The following KIFC3 variants were observed in gnomAD, a reference collection of about 807,000 sequenced individuals.
KIFC3 encodes kinesin family member C3, also known as kinesin-like protein KIFC3.
KIFC3 carries 60 observed loss-of-function variants against 101.8 expected under a neutral mutation model. That is an observed-to-expected ratio of 0.59 (90% CI 0.48 to 0.73). The LOEUF (loss-of-function observed/expected upper bound fraction) is 0.73. Ranked by LOEUF, KIFC3 falls within the 30% of genes least tolerant of loss-of-function variation. KIFC3 has a pLI of 0.00. For synonymous variants in KIFC3, 476 were observed against 482.7 expected, an observed-to-expected ratio of 0.99 and a Z score of 0.18; for missense variants, 966 against 1,137.1, an observed-to-expected ratio of 0.85 and a Z score of 2.16.
rs374878629 is a variant in KIFC3, at chr16:57,859,633, C to T, written c.108+3096G>A. ...CCACAAGCAACACTCCTCCCACACC[C>T]GCCGAAGTCATACACCAGTTACAGT... On this transcript the variant is annotated intron_variant, in intron 1 of 2. Transcript: ENST00000563028. Among the ~76,000 whole-genome samples the T allele has an allele frequency of 1.4e-3, 206 of 152,246 alleles. 2 individuals are homozygous for T. The highest frequency in any genetic ancestry group is 0.011 in the South Asian group (53 of 4,822).
At chr16:57,857,408 T>TTA (rs2056194402) in intron 1 of KIFC3, among the ~76,000 whole-genome samples, 1 of 151,314 alleles carries the variant, frequency 6.6e-6, no homozygotes, top group South Asian at 2.1e-4. Flanking sequence ...TTTTTTTTTT[T>TTA]AATTATACTT....
At chr16:57,820,521 C>T (rs2055327117) in intron 1 of KIFC3, among the ~76,000 whole-genome samples, 1 of 152,128 alleles carries the variant, frequency 6.6e-6, no homozygotes, top group African/African-American at 2.4e-5. Flanking sequence ...CTGAAGTGAT[C>T]CTCCCACCTC....
At position 57,847,185 on chromosome 16, in the gene KIFC3, AGGAAGGAG is replaced by A. The variant is rs1426036589; in HGVS notation, c.108+15536_108+15543del. 5.4e-3 allele frequency among the ~76,000 whole-genome samples: 724 copies of A among 133,646 alleles called. 20 individuals carry two copies. Among genetic ancestry groups the A allele is most frequent in the East Asian group, 0.014 (57 of 4,028 alleles). 87.7% of individuals were successfully genotyped at this position (133,646 alleles called of 152,430 possible). On this transcript the variant is annotated intron_variant, in intron 1 of 2. Transcript: ENST00000563028. ...AGGTGACAGAGCAATGAATCTGTGA[AGGAAGGAG>A]GGAAGGAAGGAAGGAAGGAAGGAAG...
chr16:57,798,621 A>AGCAGCATCTCC (rs2061049841), intron 1 of KIFC3: 1 of 408,778 alleles, frequency 2.4e-6, no homozygotes, highest in African/African-American at 2.1e-5. Context: ...ACCGCGAGTC[A>AGCAGCATCTCC]GCAGCATCTC....
chr16:57,769,447 G>C lies in KIFC3; in HGVS notation c.1218+148C>G. ...GTCTAGTTTCAAACAGGGCCTATAA[G>C]GGCAGCAGTAAGTGTCATGGGGGGT... On this transcript the variant is annotated intron_variant, in intron 9 of 19. Transcript: ENST00000445690. This position sits in a 1 kb window ranked among gnomAD's most constrained non-coding sequence, Gnocchi z 4.3. 3 of 954,402 alleles carry C rather than the reference G, an allele frequency of 3.1e-6. No homozygotes were observed. In the South Asian group the frequency reaches 5.1e-5, roughly 16 times the overall value. The allele number at this position is 954,402 out of a possible 1,614,324, so 59.1% of individuals were successfully genotyped here.
chr16:57,822,895 T>C (rs1437127701), intron 1 of KIFC3, among the ~76,000 whole-genome samples: 1 of 152,170 alleles, frequency 6.6e-6, no homozygotes, highest in African/African-American at 2.4e-5. Context: ...GTTGTTTCAA[T>C]GTTAATTTCC....
At chr16:57,766,829 G>T in intron 10 of KIFC3, 45 bp downstream of exon 10, 1 of 1,416,210 alleles carries the variant, frequency 7.1e-7, no homozygotes. Context: ...AAGCCAGGTC[G>T]AGGACCCCGA....
At position 57,824,419 on chromosome 16, in the gene KIFC3, AC is replaced by A. The variant is rs550815569; in HGVS notation, c.109-26138del. On this transcript the variant is annotated intron_variant, in intron 1 of 2. Coordinates refer to the KIFC3 transcript ENST00000563028. ...CAAGTAGGGCTGGGTGCAGTGGCTC[AC>A]ACCTGTAATCCCAGCACTTTGGGAG... Among the ~76,000 whole-genome samples, 1,296 of 152,352 alleles carry A rather than the reference AC, an allele frequency of 8.5e-3. 8 individuals carry two copies. The highest frequency in any genetic ancestry group is 0.014 in the Non-Finnish European group (931 of 68,026).
chr16:57,831,358 G>T (rs1051177647), intron 1 of KIFC3, among the ~76,000 whole-genome samples: 2 of 152,152 alleles, frequency 1.3e-5, no homozygotes, highest in African/African-American at 4.8e-5. Flanking sequence ...TTCTCAAACC[G>T]CACTGTGCAC....
At position 57,766,980 on chromosome 16, in the gene KIFC3, G is replaced by A. The variant is rs141065689; in HGVS notation, c.1224C>T (p.Gly408=). Residue 408 remains glycine (G), a synonymous_variant, in exon 10 of 20, where the codon GGC becomes GGT. Coordinates refer to ENST00000445690, the MANE Select transcript of KIFC3 (RefSeq NM_001130100.2). ...TGCTGTTGACCTCCTCGATGGCCTGGCCTATCTGGTGGGGGGTGCACACCA... is the reference window on the plus strand; with the variant it reads ...TGCTGTTGACCTCCTCGATGGCCTGACCTATCTGGTGGGGGGTGCACACCA... ...EALRSVKAEI[G]QAIEEVNSNN... 8.2e-5 allele frequency: 133 copies of A among 1,612,608 alleles called. No individual in the cohort carries two copies. Among genetic ancestry groups the A allele is most frequent in the Middle Eastern group, 4.9e-4 (3 of 6,076 alleles).
At chr16:57,800,479 C>T (rs1191391299) in intron 1 of KIFC3, among the ~76,000 whole-genome samples, 1 of 152,178 alleles carries the variant, frequency 6.6e-6, no homozygotes, top group East Asian at 1.9e-4. Context: ...ACCAGCTGTC[C>T]AATGGGCAAG....
At chr16:57,822,322 T>C (rs1555630022) in intron 1 of KIFC3, among the ~76,000 whole-genome samples, 1 of 152,220 alleles carries the variant, frequency 6.6e-6, no homozygotes, top group African/African-American at 2.4e-5. Flanking sequence ...AGGAAGATCC[T>C]GGAACACAGT....
intron 1 of KIFC3, among the ~76,000 whole-genome samples, chr16:57,840,166 C>T (rs866645631): frequency 6.6e-6 from 1 of 152,008 alleles, no homozygotes; most frequent in South Asian, 2.1e-4. Flanking sequence ...AGCAAAACCT[C>T]GTCTCTACTA....
At chr16:57,768,787 C>T (rs1295618155) in intron 9 of KIFC3, among the ~76,000 whole-genome samples, 7 of 152,102 alleles carry the variant, frequency 4.6e-5, no homozygotes, top group African/African-American at 1.4e-4. Context: ...ATAAACAGCT[C>T]GACATGTAGG....
At chr16:57,855,115 C>G (rs930470148) in intron 1 of KIFC3, among the ~76,000 whole-genome samples, 2 of 117,614 alleles carry the variant, frequency 1.7e-5, no homozygotes, top group African/African-American at 7.2e-5. Context: ...CTCCCCATTT[C>G]TTTCTTTTTT....
chr16:57,828,158 GCTCCTC>G (rs1315885293), intron 1 of KIFC3, among the ~76,000 whole-genome samples: 1 of 152,184 alleles, frequency 6.6e-6, no homozygotes, highest in Non-Finnish European at 1.5e-5. Context: ...GCCACTCTGC[GCTCCTC>G]CTCCTCCTCT....
chr16:57,772,459 G>T, intron 3 of KIFC3, 171 bp from the exon 4 acceptor site: 1 of 562,284 alleles, frequency 1.8e-6, no homozygotes. Context: ...CTTCAGGTGA[G>T]AGAAACCTGG....
intron 1 of KIFC3, among the ~76,000 whole-genome samples, chr16:57,845,501 C>T (rs553115808): frequency 3.3e-5 from 5 of 152,280 alleles, no homozygotes; most frequent in Admixed American, 2.0e-4. Context: ...CTATCCCTCC[C>T]AACACCTTTG....
chr16:57,786,183 A>G (rs1009251518), intron 3 of KIFC3, among the ~76,000 whole-genome samples: 1 of 152,206 alleles, frequency 6.6e-6, no homozygotes, highest in Non-Finnish European at 1.5e-5. Flanking sequence ...CGAGGGACAG[A>G]CAGACCAGGA....
Sources: allele counts gnomAD v4.1 joint callset (sites outside exome capture counted in the v4.1 genomes callset), GRCh38; gene constraint gnomAD v4.1.1; non-coding constraint Gnocchi (gnomAD v3.1); transcripts MANE v1.5; gene names NCBI Gene and HGNC (gene_info 2026-07-23, HGNC 2026-07-21).